Variants in RANBP17 observed in about 807,000 individuals in gnomAD.
RANBP17 encodes RAN binding protein 17.
Under a neutral mutation model 141.2 loss-of-function variants are expected in RANBP17, and 158 were observed. The ratio of observed to expected loss-of-function variants is 1.12; its 90% CI spans 0.98 to 1.28. RANBP17 has a LOEUF of 1.28. Ranked by LOEUF, RANBP17 falls within the 50% of genes most tolerant of loss-of-function variation. The pLI is 0.00. For synonymous variants in RANBP17, 430 were observed against 450.0 expected (o/e 0.96, Z 0.56); for missense variants, 1,438 against 1,290.7 (o/e 1.11, Z -1.75).
chr5:170,891,697 T>A (rs945036864), intron 3 of RANBP17, among the ~76,000 whole-genome samples: 1 of 152,024 alleles, frequency 6.6e-6, no homozygotes, highest in Non-Finnish European at 1.5e-5. Context: ...CTTCACACTT[T>A]AAACAACCAG....
chr5:170,880,977 A>G (rs764853747), intron 2 of RANBP17, among the ~76,000 whole-genome samples: 2 of 152,206 alleles, frequency 1.3e-5, no homozygotes, highest in South Asian at 2.1e-4. Context: ...TAGCTATTCA[A>G]TTCTGCCATC....
intron 14 of RANBP17, among the ~76,000 whole-genome samples, chr5:171,025,028 A>G (rs1407444621): frequency 1.3e-5 from 2 of 152,300 alleles, no homozygotes; most frequent in East Asian, 3.9e-4. Context: ...AGTAAATGGC[A>G]TCTATTGCTT....
At chr5:171,036,246 A>G (rs545456234) in intron 14 of RANBP17, among the ~76,000 whole-genome samples, 52 of 152,018 alleles carry the variant, frequency 3.4e-4, no homozygotes, top group African/African-American at 1.2e-3. Context: ...TGAGTACTCA[A>G]TTTTTAGCTC....
chr5:171,050,865 C>G (rs1782908802), intron 14 of RANBP17, among the ~76,000 whole-genome samples: 1 of 152,076 alleles, frequency 6.6e-6, no homozygotes, highest in African/African-American at 2.4e-5. Flanking sequence ...TCTTAGTTTT[C>G]TTTTATCTGA....
At chr5:171,117,080 C>G (rs1755687062) in intron 14 of RANBP17, among the ~76,000 whole-genome samples, 1 of 152,154 alleles carries the variant, frequency 6.6e-6, no homozygotes, top group Non-Finnish European at 1.5e-5. Flanking sequence ...GACATATAGG[C>G]TGATTCCATA....
intron 22 of RANBP17, among the ~76,000 whole-genome samples, chr5:171,222,635 T>G (rs934554226): frequency 6.7e-6 from 1 of 149,924 alleles, no homozygotes; most frequent in African/African-American, 2.4e-5. Context: ...CCTGTTATTC[T>G]TTTTTTTTTG....
At chr5:171,217,985 G>T (rs1292063288) in intron 21 of RANBP17, among the ~76,000 whole-genome samples, 1 of 152,122 alleles carries the variant, frequency 6.6e-6, no homozygotes, top group East Asian at 1.9e-4. Flanking sequence ...TGATATTAGG[G>T]TGTCTATTTT....
chr5:170,977,116 A>C (rs1777437989), intron 14 of RANBP17, among the ~76,000 whole-genome samples: 1 of 152,102 alleles, frequency 6.6e-6, no homozygotes, highest in South Asian at 2.1e-4. Context: ...TCGCATCTAG[A>C]ATCTATAAAG....
At chr5:171,147,339 T>TGTGTGTGTGTGTG (rs1554105339) in intron 14 of RANBP17, among the ~76,000 whole-genome samples, 2 of 104,850 alleles carry the variant, frequency 1.9e-5, no homozygotes, top group Non-Finnish European at 3.7e-5. Context: ...CTTGGTTGTT[T>TGTGTGTGTGTGTG]TGTGTGTGTG....
At chr5:171,280,688 G>T (rs1467022265) in intron 25 of RANBP17, among the ~76,000 whole-genome samples, 3 of 152,182 alleles carry the variant, frequency 2.0e-5, no homozygotes, top group Non-Finnish European at 4.4e-5. Context: ...GAAGAACAAG[G>T]TAAAAAGAGG....
intron 25 of RANBP17, among the ~76,000 whole-genome samples, chr5:171,287,461 G>T (rs1768234352): frequency 6.7e-6 from 1 of 150,302 alleles, no homozygotes; most frequent in South Asian, 2.1e-4. Flanking sequence ...TTGCACTCCA[G>T]CCTGGGCGAC....
intron 16 of RANBP17, among the ~76,000 whole-genome samples, chr5:171,180,246 T>A (rs1760786721): frequency 1.3e-5 from 2 of 152,204 alleles, no homozygotes; most frequent in Admixed American, 6.5e-5. Context: ...AAGCAAATGA[T>A]CTCTGGAGGA....
chr5:171,010,724 T>A (rs1342216709), intron 14 of RANBP17, among the ~76,000 whole-genome samples: 1 of 152,126 alleles, frequency 6.6e-6, no homozygotes, highest in Non-Finnish European at 1.5e-5. Flanking sequence ...AGAGGGTACA[T>A]CAGTATAGAT....
chr5:171,018,302 T>C (rs548257469), intron 14 of RANBP17, among the ~76,000 whole-genome samples: 2 of 152,300 alleles, frequency 1.3e-5, no homozygotes, highest in South Asian at 4.2e-4. Context: ...AAAATGTCAA[T>C]GGTAGTTTGA....
intron 20 of RANBP17, among the ~76,000 whole-genome samples, chr5:171,213,082 C>G (rs1395767453): frequency 6.6e-6 from 1 of 151,802 alleles, no homozygotes; most frequent in African/African-American, 2.4e-5. Context: ...TACAGTGAGA[C>G]CAAAAAGAGC....
chr5:171,202,806 C>G (rs1366259027), intron 19 of RANBP17, among the ~76,000 whole-genome samples: 2 of 152,142 alleles, frequency 1.3e-5, no homozygotes, highest in Non-Finnish European at 2.9e-5. Context: ...ATTCTAAAGA[C>G]AAAGCACAAT....
chr5:171,102,914 G>A (rs1480594190), intron 14 of RANBP17, among the ~76,000 whole-genome samples: 5 of 152,102 alleles, frequency 3.3e-5, no homozygotes, highest in African/African-American at 7.2e-5. Flanking sequence ...GTTTGCCTGG[G>A]TATCACCAGC....
intron 14 of RANBP17, chr5:171,161,604 T>C (rs1274213439): frequency 1.7e-5 from 3 of 175,724 alleles, no homozygotes; most frequent in African/African-American, 7.1e-5. Context: ...ATTCCCTTTT[T>C]ATGCATTATA....
At chr5:171,099,501 G>A (rs1786970269) in intron 14 of RANBP17, among the ~76,000 whole-genome samples, 1 of 152,066 alleles carries the variant, frequency 6.6e-6, no homozygotes, top group African/African-American at 2.4e-5. Flanking sequence ...GGAGATTTTG[G>A]GCTGAGATGT....
Sources: allele counts gnomAD v4.1 joint callset (sites outside exome capture counted in the v4.1 genomes callset), GRCh38; gene constraint gnomAD v4.1.1; transcripts MANE v1.5; gene names NCBI Gene and HGNC (gene_info 2026-07-23, HGNC 2026-07-21).